Variants in RABGAP1L observed in about 807,000 individuals in gnomAD.
RABGAP1L encodes RAB GTPase activating protein 1 like, also known as rab GTPase-activating protein 1-like.
A neutral mutation model predicts 137.7 loss-of-function variants in RABGAP1L; 63 were observed. The ratio of observed to expected loss-of-function variants is 0.46; its 90% confidence interval spans 0.37 to 0.56. RABGAP1L has a LOEUF of 0.56. Ranked by LOEUF, RABGAP1L falls within the 20% of genes least tolerant of loss-of-function variation. The probability of loss-of-function intolerance (pLI) is 0.00; values close to 1 mark genes in which losing one functional copy is unlikely to be tolerated. For missense variants in RABGAP1L, 1,095 were observed against 1,244.0 expected, an observed-to-expected ratio of 0.88 and a Z score of 1.80; for synonymous variants, 431 against 433.7, an observed-to-expected ratio of 0.99 and a Z score of 0.08.
At chr1:174,841,228 C>A (rs1484235513) in intron 19 of RABGAP1L, among the ~76,000 whole-genome samples, 1 of 152,006 alleles carries the variant, frequency 6.6e-6, no homozygotes, top group African/African-American at 2.4e-5. Flanking sequence ...CAAAAATAGA[C>A]CATAAAGAAA....
intron 1 of RABGAP1L, among the ~76,000 whole-genome samples, chr1:174,194,289 C>T (rs1667417188): frequency 6.8e-6 from 1 of 147,386 alleles, no homozygotes; most frequent in Non-Finnish European, 1.5e-5. Flanking sequence ...GGCTGGAGGG[C>T]AATAGCATGA....
intron 13 of RABGAP1L, among the ~76,000 whole-genome samples, chr1:174,626,230 A>G (rs1348174186): frequency 1.3e-5 from 2 of 152,316 alleles, no homozygotes; most frequent in South Asian, 4.1e-4. Context: ...TGTTTGTGGT[A>G]GACAGTCATC....
At chr1:174,853,717 C>T (rs1031482886) in intron 19 of RABGAP1L, among the ~76,000 whole-genome samples, 8 of 151,878 alleles carry the variant, frequency 5.3e-5, no homozygotes, top group African/African-American at 1.7e-4. Context: ...GGCGACAGAG[C>T]GAGACTCCAC....
chr1:174,376,343 A>G (rs1054760656), intron 12 of RABGAP1L, among the ~76,000 whole-genome samples: 3 of 148,330 alleles, frequency 2.0e-5, no homozygotes, highest in African/African-American at 7.3e-5. Context: ...AATTTATGTC[A>G]TTTGCTTACC....
intron 11 of RABGAP1L, among the ~76,000 whole-genome samples, chr1:174,350,879 A>G (rs1375415400): frequency 3.0e-5 from 3 of 100,348 alleles, no homozygotes; most frequent in Non-Finnish European, 6.2e-5. Context: ...ACTCGCGGTT[A>G]GGGGCTGGAG....
intron 13 of RABGAP1L, among the ~76,000 whole-genome samples, chr1:174,570,862 AT>A (rs1667923627): frequency 6.6e-6 from 1 of 152,140 alleles, no homozygotes; most frequent in Non-Finnish European, 1.5e-5. Flanking sequence ...CAGTTTAGAG[AT>A]TCCTCAAAAA....
intron 19 of RABGAP1L, among the ~76,000 whole-genome samples, chr1:174,833,178 A>C (rs1330377238): frequency 6.6e-6 from 1 of 151,890 alleles, no homozygotes; most frequent in Non-Finnish European, 1.5e-5. Context: ...TATTACTGCC[A>C]GTATTTATCA....
chr1:174,743,082 T>C (rs935432349), intron 17 of RABGAP1L, among the ~76,000 whole-genome samples: 4 of 152,188 alleles, frequency 2.6e-5, no homozygotes, highest in African/African-American at 7.2e-5. Flanking sequence ...ATGATGATTA[T>C]TGCCAAGGAA....
In RABGAP1L at chr1:174,570,916, G is replaced by C. The variant is rs149721501; in HGVS notation, c.1711-66459G>C. Among the ~76,000 whole-genome samples, 8 of 152,250 alleles carry C rather than the reference G, an allele frequency of 5.3e-5. No homozygotes were observed. The East Asian group carries it at 1.5e-3, about 29-fold the overall frequency. ...CATATGATGCACCAATTCCACTGCTGGGTATATACCCAAAAGAAAGGAAAT... is the reference window on the plus strand; with the variant it reads ...CATATGATGCACCAATTCCACTGCTCGGTATATACCCAAAAGAAAGGAAAT... On this transcript the variant is annotated intron_variant, in intron 13 of 25. Coordinates refer to ENST00000681986, the MANE Select transcript of RABGAP1L (RefSeq NM_001366446.1).
chr1:174,789,239 C>CAGT (rs1443924465), intron 18 of RABGAP1L, among the ~76,000 whole-genome samples: 1 of 152,100 alleles, frequency 6.6e-6, no homozygotes, highest in Non-Finnish European at 1.5e-5. Context: ...GGTTATAGAT[C>CAGT]AGTAATAGCC....
chr1:174,355,192 A>G (rs113398878), intron 11 of RABGAP1L, among the ~76,000 whole-genome samples: 31,692 of 151,998 alleles, frequency 0.21, 3,644 homozygotes, highest in Admixed American at 0.24. Flanking sequence ...TATTCACAAT[A>G]GCAAAGACTT....
intron 19 of RABGAP1L, chr1:174,892,804 AC>A (rs1297507370): frequency 3.3e-6 from 1 of 305,916 alleles, no homozygotes; most frequent in Non-Finnish European, 6.2e-6. Flanking sequence ...ATCTTGACTC[AC>A]TGCAACCTCC....
intron 14 of RABGAP1L, among the ~76,000 whole-genome samples, chr1:174,662,952 T>C (rs1676500242): frequency 6.6e-6 from 1 of 152,248 alleles, no homozygotes; most frequent in African/African-American, 2.4e-5. Context: ...AAAATATTTC[T>C]GTATAGCTGT....
At chr1:174,962,206 C>CT (rs397961801) in intron 20 of RABGAP1L, among the ~76,000 whole-genome samples, 1 of 135,432 alleles carries the variant, frequency 7.4e-6, no homozygotes, top group Non-Finnish European at 1.6e-5. Flanking sequence ...ACCCCCCCCC[C>CT]ACACACACAC....
intron 14 of RABGAP1L, among the ~76,000 whole-genome samples, chr1:174,671,674 A>T (rs1389469055): frequency 2.0e-5 from 3 of 152,062 alleles, no homozygotes; most frequent in Non-Finnish European, 4.4e-5. Flanking sequence ...GTGGTTGATG[A>T]TCTTTTCGAT....
intron 13 of RABGAP1L, among the ~76,000 whole-genome samples, chr1:174,565,327 A>C (rs1307026085): frequency 5.3e-5 from 8 of 152,198 alleles, no homozygotes; most frequent in Admixed American, 1.3e-4. Flanking sequence ...ACTCCACTTA[A>C]TTAATATACG....
chr1:174,336,610 C>A (rs1345996864), intron 11 of RABGAP1L, among the ~76,000 whole-genome samples: 1 of 152,088 alleles, frequency 6.6e-6, no homozygotes. Flanking sequence ...TTTTATAGGT[C>A]AGGGGTAGGG....
chr1:174,361,193 T>C (rs141896305), intron 11 of RABGAP1L, among the ~76,000 whole-genome samples: 52 of 151,818 alleles, frequency 3.4e-4, no homozygotes, highest in African/African-American at 1.2e-3. Context: ...TGTGGTATAA[T>C]TTGAAGTCAG....
chr1:174,405,149 T>C (rs1045698712), intron 13 of RABGAP1L, among the ~76,000 whole-genome samples: 1 of 152,228 alleles, frequency 6.6e-6, no homozygotes, highest in African/African-American at 2.4e-5. Context: ...TTTGGTATTT[T>C]TCTTTTGATT....
Sources: allele counts gnomAD v4.1 joint callset (sites outside exome capture counted in the v4.1 genomes callset), GRCh38; gene constraint gnomAD v4.1.1; transcripts MANE v1.5; gene names NCBI Gene and HGNC (gene_info 2026-07-23, HGNC 2026-07-21).